Variants in PLXNA4 observed in about 807,000 individuals in gnomAD.
PLXNA4 encodes the protein plexin A4.
A neutral mutation model predicts 191.8 loss-of-function variants in PLXNA4; 44 were observed. That is an observed-to-expected ratio of 0.23 (90% CI 0.18 to 0.29). PLXNA4 has a LOEUF of 0.29. Among genes scored for constraint, PLXNA4 ranks in the 10% least tolerant of loss-of-function variants. The pLI is 1.00. For synonymous variants in PLXNA4, 1,082 were observed against 1,009.5 expected, an observed-to-expected ratio of 1.07 and a Z score of -1.36; for missense variants, 1,800 against 2,488.8, an observed-to-expected ratio of 0.72 and a Z score of 5.89.
chr7:132,256,362 C>T (rs1174900593), intron 4 of PLXNA4, among the ~76,000 whole-genome samples: 1 of 152,178 alleles, frequency 6.6e-6, no homozygotes, highest in African/African-American at 2.4e-5. Context: ...CTCCATTAAG[C>T]CTGCTTCGGA....
At chr7:132,420,806 C>G (rs979983426) in intron 3 of PLXNA4, among the ~76,000 whole-genome samples, 1 of 152,140 alleles carries the variant, frequency 6.6e-6, no homozygotes. Flanking sequence ...ATGAGTCTCA[C>G]GAGATCTGAT....
intron 20 of PLXNA4, among the ~76,000 whole-genome samples, chr7:132,178,651 T>C (rs1254426994): frequency 6.6e-6 from 1 of 151,864 alleles, no homozygotes; most frequent in African/African-American, 2.4e-5. Flanking sequence ...ATGCACAGCC[T>C]CCAGCATTGC....
rs376659500 is a variant in PLXNA4 at position 132,216,962 on chromosome 7, A to G, written c.2098-5819T>C. Among the ~76,000 whole-genome samples, 6 of 152,340 alleles carry G rather than the reference A, an allele frequency of 3.9e-5. No homozygotes were observed. In the South Asian group the frequency reaches 6.2e-4, roughly 16 times the overall value. On this transcript the variant is annotated intron_variant, in intron 9 of 31. Coordinates refer to ENST00000321063, the MANE Select transcript of PLXNA4 (RefSeq NM_020911.2). ...AATAAGATTCTTTGGAGACACATGC[A>G]TGCCAAAAGAACCCAACTCCCTCGG...
intron 3 of PLXNA4, chr7:132,484,964 A>T: frequency 6.2e-7 from 1 of 1,614,032 alleles, no homozygotes; most frequent in South Asian, 1.1e-5. Flanking sequence ...GTCTCCCTCC[A>T]CTCCAATCCA....
chr7:132,494,879 C>T (rs1797947202), intron 2 of PLXNA4, among the ~76,000 whole-genome samples: 1 of 152,168 alleles, frequency 6.6e-6, no homozygotes, highest in Non-Finnish European at 1.5e-5. Flanking sequence ...AGCTGCAAAG[C>T]CACTGCCACT....
At chr7:132,592,311 G>A (rs1802616030) in intron 2 of PLXNA4, among the ~76,000 whole-genome samples, 2 of 152,106 alleles carry the variant, frequency 1.3e-5, no homozygotes, top group Admixed American at 1.3e-4. Context: ...ACAAAGATGG[G>A]AGTGCGGTGC....
chr7:132,135,575 A>G (rs1795087960), intron 30 of PLXNA4, among the ~76,000 whole-genome samples: 1 of 152,204 alleles, frequency 6.6e-6, no homozygotes, highest in Non-Finnish European at 1.5e-5. Context: ...AAAAAACAGA[A>G]GCCCAGCATT....
At chr7:132,641,502 G>C (rs970420966) in intron 2 of PLXNA4, among the ~76,000 whole-genome samples, 4 of 151,960 alleles carry the variant, frequency 2.6e-5, no homozygotes, top group African/African-American at 9.7e-5. Context: ...TCCCTCAAAG[G>C]CCCTCTTTTC....
At chr7:132,344,707 C>A (rs1803174284) in intron 3 of PLXNA4, among the ~76,000 whole-genome samples, 1 of 152,140 alleles carries the variant, frequency 6.6e-6, no homozygotes, top group Non-Finnish European at 1.5e-5. Context: ...ATCAAAACAT[C>A]TTCTATTTCT....
chr7:132,563,817 T>C (rs969258508), intron 1 of PLXNA4, among the ~76,000 whole-genome samples: 134 of 28,386 alleles, frequency 4.7e-3, no homozygotes, highest in Middle Eastern at 0.045. Context: ...TCCTCCTCCT[T>C]CTCCTCCTCC....
chr7:132,183,907 T>C (rs1300037181), intron 16 of PLXNA4, among the ~76,000 whole-genome samples: 1 of 152,254 alleles, frequency 6.6e-6, no homozygotes, highest in Admixed American at 6.5e-5. Context: ...ACAGGCCATA[T>C]GGTCCCTGTC....
chr7:132,603,766 G>A (rs1320652095), intron 2 of PLXNA4, among the ~76,000 whole-genome samples: 3 of 152,186 alleles, frequency 2.0e-5, no homozygotes, highest in Non-Finnish European at 4.4e-5. Flanking sequence ...GAGGACCGGT[G>A]TATATTTATA....
intron 3 of PLXNA4, among the ~76,000 whole-genome samples, chr7:132,430,679 A>G (rs966368932): frequency 3.9e-5 from 6 of 152,220 alleles, no homozygotes; most frequent in African/African-American, 9.6e-5. Context: ...CTTGAGTGCT[A>G]ACAACCCAGA....
At chr7:132,358,502 G>A (rs984531078) in intron 3 of PLXNA4, among the ~76,000 whole-genome samples, 1 of 152,196 alleles carries the variant, frequency 6.6e-6, no homozygotes, top group Non-Finnish European at 1.5e-5. Context: ...AGGAGGATAT[G>A]ACTGTGTTTT....
At chr7:132,208,495 C>G (rs11973637) in intron 10 of PLXNA4, among the ~76,000 whole-genome samples, 119 of 152,240 alleles carry the variant, frequency 7.8e-4, no homozygotes, top group African/African-American at 2.5e-3. Flanking sequence ...AGGGCCAGAG[C>G]GCAGCAGGAG....
intron 3 of PLXNA4, among the ~76,000 whole-genome samples, chr7:132,409,760 A>G (rs1794374315): frequency 6.6e-6 from 1 of 152,192 alleles, no homozygotes; most frequent in Non-Finnish European, 1.5e-5. Flanking sequence ...GATGGATGGA[A>G]GATAAAATAC....
intron 29 of PLXNA4, among the ~76,000 whole-genome samples, chr7:132,141,726 CCTTT>C (rs1563053126): frequency 2.0e-5 from 3 of 152,128 alleles, no homozygotes; most frequent in African/African-American, 4.8e-5. Context: ...TCTTTCCTTT[CCTTT>C]CTTTCTTTTT....
Position 132,279,560 on chromosome 7 carries a change from G to A in PLXNA4, c.1503+18531C>T, listed in dbSNP as rs920319592. 2.0e-5 allele frequency among the ~76,000 whole-genome samples: 3 copies of A among 152,020 alleles called. No homozygotes were observed. The South Asian group carries it at 6.2e-4, about 32-fold the overall frequency. On this transcript the variant is annotated intron_variant, in intron 4 of 31. Transcript: ENST00000321063. ...TGAGGTGGGAGGGTTGCTTGAGCCC[G>A]GTGGGGTTAAGGCTGCAGTGGGCCA...
intron 25 of PLXNA4, among the ~76,000 whole-genome samples, chr7:132,156,055 C>A (rs1280940267): frequency 6.6e-6 from 1 of 151,462 alleles, no homozygotes; most frequent in Non-Finnish European, 1.5e-5. Context: ...GCCAACCCTG[C>A]AGATTTTCGA....
Sources: gnomAD v4.1 joint callset for allele counts (sites outside exome capture counted in the v4.1 genomes callset) on GRCh38, gnomAD v4.1.1 for gene constraint, MANE v1.5 for transcripts, NCBI Gene and HGNC (gene_info 2026-07-23, HGNC 2026-07-21) for gene names.